The following NF1 variants were observed in gnomAD, a reference collection of about 807,000 sequenced individuals.
The protein encoded by NF1 is neurofibromin.
A neutral mutation model predicts 325.7 loss-of-function variants in NF1; 122 were observed. The ratio of observed to expected loss-of-function variants is 0.37; its 90% confidence interval spans 0.32 to 0.44. NF1 has a LOEUF of 0.44. NF1 is among the 20% of genes least tolerant of loss of function. NF1 has a pLI of 1.00. For missense variants in NF1, 2,140 were observed against 3,415.4 expected (o/e 0.63, Z 9.31); for synonymous variants, 1,091 against 1,186.0 (o/e 0.92, Z 1.65).
At position 31,360,471 on chromosome 17, in the gene NF1, C is replaced by A. The variant is rs1262893944; in HGVS notation, c.8161-16C>A. On this transcript the variant is annotated splice_polypyrimidine_tract_variant and intron_variant, in intron 56 of 57. Coordinates refer to ENST00000358273, the MANE Select transcript of NF1 (RefSeq NM_001042492.3). ...AAAAAAAAGGAACTAAAATAATTTC[C>A]TATTTTCCATTACAGCAAACACAAA... 6.2e-7 allele frequency: 1 copy of A among 1,608,690 alleles called. No individual in the cohort carries two copies. The highest frequency in any genetic ancestry group is 2.2e-5 in the East Asian group (1 of 44,856).
chr17:31,150,949 C>T (rs765256242), intron 1 of NF1, among the ~76,000 whole-genome samples: 3 of 151,810 alleles, frequency 2.0e-5, no homozygotes, highest in South Asian at 4.2e-4. Context: ...GCAGGGGAAT[C>T]GCTTCAACCT....
rs375786919 is a variant in NF1, at chr17:31,218,183, A to T, written c.1528-822A>T. ...ATGTATGTCCTTTACCTTTGATCAC[A>T]ATCATGTATAAGCTCAAAACCAGTA... On this transcript the variant is annotated intron_variant, in intron 13 of 57. Transcript: ENST00000358273. Among the ~76,000 whole-genome samples, 266 of 152,266 alleles carry T rather than the reference A, an allele frequency of 1.7e-3. 3 individuals carry two copies. The highest frequency in any genetic ancestry group is 6.0e-3 in the African/African-American group (251 of 41,542).
rs147268449 is a variant in NF1, at chr17:31,206,105, A to G, written c.1261-135A>G. On this transcript the variant is annotated intron_variant, in intron 11 of 57. Transcript: ENST00000358273. ...AAAGACGTTGTTTGAAGACTTTGGA[A>G]ATCATGGTGTGTGTTTGCATGGTCT... is the stretch of plus-strand genomic sequence containing the variant. The G allele has an allele frequency of 6.8e-6, 6 of 885,466 alleles. No individual in the cohort carries two copies. The Admixed American group carries it at 1.1e-4, about 16-fold the overall frequency. The allele number at this position is 885,466 out of a possible 1,614,324, so 54.9% of individuals were successfully genotyped here.
intron 29 of NF1, among the ~76,000 whole-genome samples, chr17:31,240,001 C>T (rs765673313): frequency 1.3e-5 from 2 of 152,170 alleles, no homozygotes; most frequent in African/African-American, 4.8e-5. Flanking sequence ...TGACTTCAGG[C>T]GAGCCGCCTG....
chr17:31,114,605 C>G (rs1376368265), intron 1 of NF1, among the ~76,000 whole-genome samples: 1 of 151,460 alleles, frequency 6.6e-6, no homozygotes, highest in Non-Finnish European at 1.5e-5. Flanking sequence ...GCCTGTAATC[C>G]CAGCACTCTG....
intron 1 of NF1, chr17:31,136,497 C>T (rs1406904616): frequency 6.6e-6 from 1 of 152,078 alleles, no homozygotes. Context: ...TTTAAAATTG[C>T]ATGCTGTTTT....
At position 31,163,265 on chromosome 17, in the gene NF1, C is replaced by T. The variant is rs878853886; in HGVS notation, c.368C>T (p.Thr123Ile). Reference protein sequence around the residue: ...LLPEICHFLHTCREGNQHAAE... With the variant: ...LLPEICHFLHICREGNQHAAE... ...CCAGAAATCTGCCATTTTCTTCACA[C>T]CTGTCGTGAAGGAAACCAGCATGCA... Residue 123 changes from threonine (T) to isoleucine (I), a missense_variant, in exon 4 of 58, where the codon ACC becomes ATC. Physicochemically the swap from Thr to Ile is moderately conservative, Grantham distance 89 (BLOSUM62 -1). Transcript: ENST00000358273. 6.2e-7 allele frequency: 1 copy of T among 1,614,062 alleles called. No individual in the cohort carries two copies. Among genetic ancestry groups the T allele is most frequent in the Non-Finnish European group, 8.5e-7 (1 of 1,179,968 alleles).
chr17:31,222,609 C>A, intron 15 of NF1: 1 of 866,420 alleles, frequency 1.2e-6, no homozygotes, highest in Non-Finnish European at 1.4e-6. Flanking sequence ...AACTTTTTTA[C>A]TTACTACATT....
chr17:31,129,413 T>C (rs1915160426), intron 1 of NF1, among the ~76,000 whole-genome samples: 2 of 152,074 alleles, frequency 1.3e-5, no homozygotes, highest in South Asian at 4.1e-4. Context: ...TTTTCTCAGC[T>C]TGGTCTGTTC....
rs1555611606 is a variant in NF1 at position 31,206,361 on chromosome 17, G to A, written c.1382G>A (p.Arg461Gln). 6.2e-7 allele frequency: 1 copy of A among 1,613,644 alleles called. No homozygotes were observed. The highest frequency in any genetic ancestry group is 8.5e-7 in the Non-Finnish European group (1 of 1,179,654). Residue 461 changes from arginine to glutamine, a missense_variant, in exon 12 of 58, where the codon CGA (arginine) becomes CAA (glutamine). Physicochemically the swap from Arg to Gln is conservative, Grantham distance 43 (BLOSUM62 1). Around this residue, in one of 10 missense-constraint regions of NF1, gnomAD observed 179 missense variants for 381.0 expected, o/e 0.47. Transcript: ENST00000358273. ...GGTTGTGGAGCACACCCAGCAATAC[G>A]AATGGCACCGGTAAGATAAATCACG... is the stretch of plus-strand genomic sequence containing the variant. ...VQGCGAHPAI[R>Q]MAPSLTFKEK...
At chr17:31,284,408 G>A (rs1007610450) in intron 36 of NF1, among the ~76,000 whole-genome samples, 1 of 151,956 alleles carries the variant, frequency 6.6e-6, no homozygotes, top group Admixed American at 6.6e-5. Context: ...TCAGTCTCCC[G>A]AGTAGCTGAG....
intron 36 of NF1, among the ~76,000 whole-genome samples, chr17:31,281,468 C>T (rs955476343): frequency 6.6e-6 from 1 of 152,164 alleles, no homozygotes; most frequent in Non-Finnish European, 1.5e-5. Context: ...TGGAATAATA[C>T]TGGTTAATCA....
chr17:31,371,971 A>C (rs1194445776), intron 57 of NF1, among the ~76,000 whole-genome samples: 1 of 152,236 alleles, frequency 6.6e-6, no homozygotes. Context: ...TGGCTCCTAG[A>C]GGGAGGTCAT....
intron 36 of NF1, among the ~76,000 whole-genome samples, chr17:31,315,158 A>G (rs971874030): frequency 6.6e-6 from 1 of 152,154 alleles, no homozygotes; most frequent in African/African-American, 2.4e-5. Flanking sequence ...GTTCTCAACT[A>G]TTTATTTGAT....
chr17:31,201,278 T>C, intron 10 of NF1, 119 bp downstream of exon 10: 1 of 1,496,836 alleles, frequency 6.7e-7, no homozygotes, highest in Non-Finnish European at 9.2e-7. Context: ...TATGTATTGA[T>C]GTTCGTTTCA....
At chr17:31,372,640 C>A (rs2070665793) in intron 57 of NF1, among the ~76,000 whole-genome samples, 1 of 152,166 alleles carries the variant, frequency 6.6e-6, no homozygotes, top group South Asian at 2.1e-4. Flanking sequence ...AATTTGTAAT[C>A]TTTCCTAATG....
chr17:31,265,129 T>C, intron 35 of NF1, 100 bp from the exon 36 acceptor site: 1 of 874,458 alleles, frequency 1.1e-6, no homozygotes, highest in Non-Finnish European at 1.8e-6. Context: ...TTAAAATATT[T>C]TTTCATTTTA....
In NF1 at chr17:31,342,994, G is replaced by A. The variant is rs375376967; in HGVS notation, c.7063-15G>A. Reference sequence around the variant, plus strand: ...GTGTGAACCTCATCAACCATCTCATGATTATCTTTAATAGAGTCCAGAGGA... The same window carrying A: ...GTGTGAACCTCATCAACCATCTCATAATTATCTTTAATAGAGTCCAGAGGA... On this transcript the variant is annotated splice_polypyrimidine_tract_variant and intron_variant, in intron 47 of 57. Transcript: ENST00000358273. 15 of 1,613,848 alleles carry A rather than the reference G, an allele frequency of 9.3e-6. No homozygotes were observed. The African/African-American group carries it at 2.0e-4, about 22-fold the overall frequency.
At chr17:31,099,707 C>T (rs1317190264) in intron 1 of NF1, among the ~76,000 whole-genome samples, 3 of 151,686 alleles carry the variant, frequency 2.0e-5, no homozygotes, top group Non-Finnish European at 4.4e-5. Flanking sequence ...TTACAGGCGC[C>T]CACCACCACG....
Sources: gnomAD v4.1 joint callset for allele counts (sites outside exome capture counted in the v4.1 genomes callset) on GRCh38, gnomAD v4.1.1 for gene constraint, gnomAD v4.1.1 regional missense constraint, MANE v1.5 for transcripts, NCBI Gene and HGNC (gene_info 2026-07-23, HGNC 2026-07-21) for gene names.